DEPTOR: variants seen among roughly 807,000 people sequenced by gnomAD.
DEPTOR encodes DEP domain-containing mTOR-interacting protein.
Under a neutral mutation model 41.6 loss-of-function variants are expected in DEPTOR, and 41 were observed. That is an observed-to-expected ratio of 0.98 (90% CI 0.77 to 1.28). DEPTOR has a LOEUF of 1.28. Among genes scored for constraint, DEPTOR ranks in the 50% most tolerant of loss-of-function variants. The pLI is 0.00. For synonymous variants in DEPTOR, 195 were observed against 192.3 expected, an observed-to-expected ratio of 1.01 and a Z score of -0.12; for missense variants, 514 against 527.9, an observed-to-expected ratio of 0.97 and a Z score of 0.26.
At chr8:120,014,205 A>G (rs1239359507) in intron 8 of DEPTOR, among the ~76,000 whole-genome samples, 1 of 152,222 alleles carries the variant, frequency 6.6e-6, no homozygotes, top group Admixed American at 6.5e-5. Context: ...AAGTTTCATC[A>G]ACCCATGCAA....
intron 3 of DEPTOR, among the ~76,000 whole-genome samples, chr8:119,941,654 A>G (rs1828206057): frequency 6.6e-6 from 1 of 152,204 alleles, no homozygotes; most frequent in African/African-American, 2.4e-5. Context: ...CAGGGCGAGT[A>G]GCCCTTACTG....
At chr8:119,998,106 A>T (rs1483973480) in intron 4 of DEPTOR, among the ~76,000 whole-genome samples, 1 of 152,182 alleles carries the variant, frequency 6.6e-6, no homozygotes, top group Non-Finnish European at 1.5e-5. Flanking sequence ...ACAACAAAAA[A>T]ATAGTGGAGT....
chr8:119,909,463 A>G (rs993632746), intron 1 of DEPTOR, among the ~76,000 whole-genome samples: 1 of 152,230 alleles, frequency 6.6e-6, no homozygotes, highest in African/African-American at 2.4e-5. Context: ...CTGTCTTTAT[A>G]TAGGCATCAG....
Position 119,888,037 on chromosome 8 carries a change from T to A in DEPTOR, c.122+14069T>A, listed in dbSNP as rs143052546. Among the ~76,000 whole-genome samples, 615 of 152,236 alleles carry A rather than the reference T, an allele frequency of 4.0e-3. 3 individuals are homozygous for A. Among genetic ancestry groups the A allele is most frequent in the Non-Finnish European group, 7.4e-3 (503 of 68,014 alleles). ...CATCTCACTGTATTGCTCAAGCTGT[T>A]CTCAAACTCCTGGGCTCAAGTAATC... On this transcript the variant is annotated intron_variant, in intron 1 of 8. Coordinates refer to ENST00000286234, the MANE Select transcript of DEPTOR (RefSeq NM_022783.4).
chr8:119,932,733 TGTC>T (rs1216671604), intron 3 of DEPTOR, among the ~76,000 whole-genome samples: 1 of 152,128 alleles, frequency 6.6e-6, no homozygotes, highest in African/African-American at 2.4e-5. Flanking sequence ...ATAATACAGG[TGTC>T]GTCGGTGCAA....
chr8:119,946,715 CAA>C (rs1013309402), intron 3 of DEPTOR, among the ~76,000 whole-genome samples: 10 of 151,922 alleles, frequency 6.6e-5, no homozygotes, highest in African/African-American at 2.4e-4. Flanking sequence ...GCCTGGGCAA[CAA>C]GAGCGAAACT....
At chr8:119,944,013 AT>A (rs912574256) in intron 3 of DEPTOR, among the ~76,000 whole-genome samples, 1 of 151,030 alleles carries the variant, frequency 6.6e-6, no homozygotes, top group African/African-American at 2.4e-5. Context: ...AATTTTTTGT[AT>A]TTTTTTTAGG....
rs190303119 is a variant in DEPTOR, at chr8:119,894,280, G to A, written c.122+20312G>A. ...AGGGTCTCACTATGTTGTCCAGGCT[G>A]GTCTCAAACTCCTGGGCTCAAGCGA... On this transcript the variant is annotated intron_variant, in intron 1 of 8. Transcript: ENST00000286234. Among the ~76,000 whole-genome samples, 371 of 152,018 alleles carry A rather than the reference G, an allele frequency of 2.4e-3. 2 individuals are homozygous for A. Among genetic ancestry groups the A allele is most frequent in the African/African-American group, 8.0e-3 (330 of 41,462 alleles).
chr8:120,037,849 A>T (rs1813001401), intron 8 of DEPTOR, among the ~76,000 whole-genome samples: 1 of 152,116 alleles, frequency 6.6e-6, no homozygotes, highest in Non-Finnish European at 1.5e-5. Flanking sequence ...CACATTCCCC[A>T]TCGTTTTCTT....
intron 6 of DEPTOR, 112 bp downstream of exon 6, chr8:120,003,223 A>C: frequency 6.6e-7 from 1 of 1,520,060 alleles, no homozygotes; most frequent in South Asian, 1.3e-5. Flanking sequence ...AATAAGTTAG[A>C]GCATGCTCTT....
In DEPTOR at chr8:119,973,817, C is replaced by T. The variant is rs1031921408; in HGVS notation, c.604+8407C>T. Among the ~76,000 whole-genome samples the T allele has an allele frequency of 3.3e-5, 5 of 152,210 alleles. No individual in the cohort carries two copies. In the East Asian group the frequency reaches 9.7e-4, roughly 29 times the overall value. ...AACATATATTTATATCATACTGTGC[C>T]ATATACAAAGCAGTTTTACATACAT... On this transcript the variant is annotated intron_variant, in intron 4 of 8. Coordinates refer to ENST00000286234, the MANE Select transcript of DEPTOR (RefSeq NM_022783.4).
intron 8 of DEPTOR, among the ~76,000 whole-genome samples, chr8:120,028,455 T>C (rs1167368498): frequency 6.8e-6 from 1 of 146,852 alleles, no homozygotes; most frequent in African/African-American, 2.5e-5. Context: ...TCCAAATCTT[T>C]TTTTTTTTTT....
At chr8:119,905,400 T>C (rs1827649462) in intron 1 of DEPTOR, among the ~76,000 whole-genome samples, 1 of 151,844 alleles carries the variant, frequency 6.6e-6, no homozygotes, top group Non-Finnish European at 1.5e-5. Context: ...CTGAGTGAGG[T>C]TTGAAGTTTG....
chr8:120,006,486 T>G (rs1037953865), intron 6 of DEPTOR, among the ~76,000 whole-genome samples: 21 of 151,734 alleles, frequency 1.4e-4, no homozygotes, highest in Admixed American at 3.9e-4. Flanking sequence ...ATCGCATCAT[T>G]GCACTCCATC....
In DEPTOR at chr8:120,029,614, T is replaced by C. The variant is rs532119892; in HGVS notation, c.1102-19962T>C. Among the ~76,000 whole-genome samples, 4 of 152,320 alleles carry C rather than the reference T, an allele frequency of 2.6e-5. No individual in the cohort carries two copies. In the East Asian group the frequency reaches 7.7e-4, roughly 29 times the overall value. On this transcript the variant is annotated intron_variant, in intron 8 of 8. Coordinates refer to ENST00000286234, the MANE Select transcript of DEPTOR (RefSeq NM_022783.4). ...TTTCACCATATTGGTCAGGCTGGTC[T>C]TGAATTCTTGACCCCAGGTGATCCA...
intron 8 of DEPTOR, among the ~76,000 whole-genome samples, chr8:120,043,739 T>G (rs1011232153): frequency 2.6e-5 from 4 of 152,044 alleles, no homozygotes; most frequent in African/African-American, 9.7e-5. Context: ...GGGCCAGGCA[T>G]GGTAGCTCAT....
intron 4 of DEPTOR, among the ~76,000 whole-genome samples, chr8:119,991,092 C>CTTTCTTTCTTTCTTTCTTTCTTTCTT (rs1812164393): frequency 1.8e-5 from 1 of 55,498 alleles, no homozygotes; most frequent in African/African-American, 7.2e-5. Flanking sequence ...CTTTCTTTTT[C>CTTTCTTTCTTTCTTTCTTTCTTTCTT]TTTCTTTCTT....
chr8:119,995,267 C>T (rs1395052143), intron 4 of DEPTOR, among the ~76,000 whole-genome samples: 1 of 152,116 alleles, frequency 6.6e-6, no homozygotes, highest in Admixed American at 6.5e-5. Context: ...GGCTGTAAAA[C>T]TTGTACTTTT....
intron 1 of DEPTOR, among the ~76,000 whole-genome samples, chr8:119,915,302 A>G (rs550866899): frequency 6.6e-6 from 1 of 152,178 alleles, no homozygotes; most frequent in East Asian, 1.9e-4. Context: ...TTTATATTTG[A>G]TCTTTCTATA....
Sources: gnomAD v4.1 joint callset for allele counts (sites outside exome capture counted in the v4.1 genomes callset) on GRCh38, gnomAD v4.1.1 for gene constraint, MANE v1.5 for transcripts, NCBI Gene and HGNC (gene_info 2026-07-23, HGNC 2026-07-21) for gene names.